Variants in NAALADL2 observed in about 807,000 individuals in gnomAD.
NAALADL2 encodes N-acetylated alpha-linked acidic dipeptidase like 2, also known as inactive N-acetylated-alpha-linked acidic dipeptidase-like protein 2.
In NAALADL2, 76 loss-of-function variants were observed where a neutral mutation model predicts 87.2. That is an observed-to-expected ratio of 0.87 (90% CI 0.72 to 1.05). NAALADL2 has a LOEUF of 1.05. NAALADL2 is among the 50% of genes least tolerant of loss of function. The pLI is 0.00. For missense variants in NAALADL2, 1,089 were observed against 945.8 expected, an observed-to-expected ratio of 1.15 and a Z score of -1.99; for synonymous variants, 354 against 331.0, an observed-to-expected ratio of 1.07 and a Z score of -0.75.
At chr3:174,928,812 A>G (rs549413015) in intron 1 of NAALADL2, among the ~76,000 whole-genome samples, 1 of 152,280 alleles carries the variant, frequency 6.6e-6, no homozygotes, top group South Asian at 2.1e-4. Flanking sequence ...TGGTGAATGC[A>G]ATAGTTTGGA....
At chr3:174,822,593 A>G (rs975231293) in intron 3 of NAALADL2, among the ~76,000 whole-genome samples, 6 of 152,170 alleles carry the variant, frequency 3.9e-5, no homozygotes, top group Non-Finnish European at 8.8e-5. Context: ...ATCAGCTCAG[A>G]AAAGTGATCC....
chr3:174,803,236 T>C (rs1719052200), intron 3 of NAALADL2, among the ~76,000 whole-genome samples: 1 of 152,218 alleles, frequency 6.6e-6, no homozygotes, highest in African/African-American at 2.4e-5. Flanking sequence ...CTAGTGATGA[T>C]GAACATTTTT....
At chr3:175,788,373 G>A (rs989110222) in intron 13 of NAALADL2, among the ~76,000 whole-genome samples, 1 of 152,082 alleles carries the variant, frequency 6.6e-6, no homozygotes, top group Non-Finnish European at 1.5e-5. Context: ...TTATAGGGGT[G>A]AGCCACTGTG....
chr3:174,846,845 G>A (rs1347827069), intron 3 of NAALADL2, among the ~76,000 whole-genome samples: 2 of 152,112 alleles, frequency 1.3e-5, no homozygotes, highest in African/African-American at 4.8e-5. Flanking sequence ...TGGCATGATT[G>A]CTATGTTTTA....
At chr3:175,648,074 A>G (rs1730254020) in intron 11 of NAALADL2, among the ~76,000 whole-genome samples, 1 of 152,156 alleles carries the variant, frequency 6.6e-6, no homozygotes, top group African/African-American at 2.4e-5. Flanking sequence ...CCCAGTTCAC[A>G]TGACTGGAGA....
intron 3 of NAALADL2, among the ~76,000 whole-genome samples, chr3:174,786,462 A>T (rs985700686): frequency 0.028 from 3,606 of 127,958 alleles, 159 homozygotes; most frequent in African/African-American, 0.099. Flanking sequence ...AAAAAAAAAA[A>T]AAAATAATAA....
chr3:174,819,657 G>T (rs1273324326), intron 3 of NAALADL2, among the ~76,000 whole-genome samples: 3 of 152,034 alleles, frequency 2.0e-5, no homozygotes, highest in Non-Finnish European at 4.4e-5. Flanking sequence ...TTGATTGCAA[G>T]TTCTTTATAA....
chr3:174,618,407 G>A (rs1720686356), intron 2 of NAALADL2, among the ~76,000 whole-genome samples: 1 of 151,646 alleles, frequency 6.6e-6, no homozygotes, highest in African/African-American at 2.4e-5. Flanking sequence ...ATACAGTGGG[G>A]CCTTAATTTT....
At chr3:174,833,018 G>A (rs67695221) in intron 3 of NAALADL2, among the ~76,000 whole-genome samples, 21,820 of 151,908 alleles carry the variant, frequency 0.14, 1,731 homozygotes, top group African/African-American at 0.19. Context: ...TATTACTTCT[G>A]TATCTACCCA....
intron 1 of NAALADL2, among the ~76,000 whole-genome samples, chr3:174,485,842 G>A (rs1717821149): frequency 6.6e-6 from 1 of 151,804 alleles, no homozygotes; most frequent in East Asian, 1.9e-4. Context: ...TGCCTAGGTC[G>A]TCTTCCAGGG....
chr3:175,589,169 A>T (rs1033688115), intron 10 of NAALADL2, among the ~76,000 whole-genome samples: 3 of 152,214 alleles, frequency 2.0e-5, no homozygotes, highest in African/African-American at 7.2e-5. Flanking sequence ...GAATTTATTC[A>T]AGTTACTTTT....
intron 9 of NAALADL2, among the ~76,000 whole-genome samples, chr3:175,543,050 C>T (rs1201968894): frequency 6.6e-6 from 1 of 152,154 alleles, no homozygotes; most frequent in Non-Finnish European, 1.5e-5. Flanking sequence ...CAGAGAATTT[C>T]TTACATGAAT....
chr3:175,605,041 A>G (rs1484939881), intron 10 of NAALADL2, among the ~76,000 whole-genome samples: 1 of 152,146 alleles, frequency 6.6e-6, no homozygotes, highest in Admixed American at 6.5e-5. Flanking sequence ...AAATCATAAA[A>G]ATTGTTCATT....
intron 11 of NAALADL2, among the ~76,000 whole-genome samples, chr3:175,668,128 G>T (rs781552371): frequency 6.6e-6 from 1 of 152,100 alleles, no homozygotes; most frequent in South Asian, 2.1e-4. Context: ...GTGACCTCTC[G>T]TTGGAGTTTA....
chr3:175,626,638 A>G (rs1339710273), intron 10 of NAALADL2, among the ~76,000 whole-genome samples: 1 of 151,774 alleles, frequency 6.6e-6, no homozygotes, highest in Non-Finnish European at 1.5e-5. Flanking sequence ...TCTTTCCTGT[A>G]TTGATTATTT....
chr3:174,770,869 A>AT (rs1560210950), intron 3 of NAALADL2, among the ~76,000 whole-genome samples: 32 of 152,190 alleles, frequency 2.1e-4, no homozygotes, highest in Admixed American at 8.5e-4. Context: ...AGAAAAAAAA[A>AT]GAAATACGTA....
intron 2 of NAALADL2, among the ~76,000 whole-genome samples, chr3:174,629,629 T>C (rs145894961): frequency 6.6e-6 from 1 of 152,334 alleles, no homozygotes; most frequent in East Asian, 1.9e-4. Context: ...TTCAGGAAGG[T>C]ATATGCTTTC....
intron 1 of NAALADL2, among the ~76,000 whole-genome samples, chr3:175,004,615 A>G (rs1373909083): frequency 6.6e-6 from 1 of 152,076 alleles, no homozygotes; most frequent in African/African-American, 2.4e-5. Flanking sequence ...TATCGGTAGT[A>G]TATGAATTCA....
chr3:175,514,901 C>G (rs1197956938), intron 9 of NAALADL2, among the ~76,000 whole-genome samples: 2 of 152,304 alleles, frequency 1.3e-5, no homozygotes, highest in East Asian at 3.9e-4. Flanking sequence ...GCCTGAGTGT[C>G]TAGTCTCTAT....
Sources: allele counts gnomAD v4.1 joint callset (sites outside exome capture counted in the v4.1 genomes callset), GRCh38; gene constraint gnomAD v4.1.1; transcripts MANE v1.5; gene names NCBI Gene and HGNC (gene_info 2026-07-23, HGNC 2026-07-21).